Variants in ARHGEF10 observed in about 807,000 individuals in gnomAD.
ARHGEF10 encodes the protein Rho guanine nucleotide exchange factor (GEF) 10.
ARHGEF10 carries 140 observed loss-of-function variants against 147.4 expected under a neutral mutation model. The observed-to-expected ratio is 0.95, with a 90% CI of 0.83 to 1.09. ARHGEF10 has a LOEUF of 1.09. ARHGEF10 is among the 50% of genes least tolerant of loss of function. The pLI is 0.00. For missense variants in ARHGEF10, 2,222 were observed against 1,752.7 expected (o/e 1.27, Z -4.78); for synonymous variants, 902 against 695.8 (o/e 1.30, Z -4.67).
Position 1,899,092 on chromosome 8 carries a change from A to G in ARHGEF10, c.1650+567A>G, listed in dbSNP as rs547479275. The stretch of plus-strand genomic sequence containing the variant: ...CATTTCTCTAAACTAAGGATTCTCA[A>G]TTGGATACCTGTGGCTGTGAACAGT... On this transcript the variant is annotated intron_variant, in intron 15 of 28. Transcript: ENST00000349830. Among the ~76,000 whole-genome samples, 6 of 152,306 alleles carry G rather than the reference A, an allele frequency of 3.9e-5. 1 individual carries two copies. The highest frequency in any genetic ancestry group is 2.0e-4 in the Admixed American group (3 of 15,300).
rs1164793337 is a variant in ARHGEF10 at position 1,958,412 on chromosome 8, C to T, written c.*1149C>T. On this transcript the variant is annotated 3_prime_UTR_variant, in exon 29 of 29. Transcript: ENST00000349830. ...GCGCCATCCTGCTGAACGTGTATTT[C>T]AGTGTTTCACTTACTGGACGGATAA... 2.0e-5 allele frequency: 3 copies of T among 152,206 alleles called. No homozygotes were observed. The highest frequency in any genetic ancestry group is 2.1e-4 in the South Asian group (1 of 4,826). 9.4% of individuals were successfully genotyped at this position (152,206 alleles called of 1,614,324 possible). A position where few individuals can be genotyped will look rare whatever the true frequency, so the allele number is the denominator to read the frequency against.
chr8:1,900,364 C>T (rs1459102916), intron 15 of ARHGEF10, among the ~76,000 whole-genome samples: 1 of 152,086 alleles, frequency 6.6e-6, no homozygotes, highest in Non-Finnish European at 1.5e-5. Flanking sequence ...GTCGTTGTCC[C>T]TTTTTTATGC....
chr8:1,838,390 G>C (rs1803719544), intron 1 of ARHGEF10, among the ~76,000 whole-genome samples: 1 of 152,150 alleles, frequency 6.6e-6, no homozygotes, highest in South Asian at 2.1e-4. Flanking sequence ...GAGTCATCCA[G>C]GCCAGGCTGA....
At chr8:1,860,586 C>A (rs958309452) in intron 4 of ARHGEF10, among the ~76,000 whole-genome samples, 1 of 152,200 alleles carries the variant, frequency 6.6e-6, no homozygotes, top group African/African-American at 2.4e-5. Flanking sequence ...CCTAGTTCAT[C>A]TTCAGTGACA....
intron 18 of ARHGEF10, among the ~76,000 whole-genome samples, chr8:1,921,024 G>A (rs929336051): frequency 3.3e-5 from 5 of 152,174 alleles, no homozygotes; most frequent in African/African-American, 1.2e-4. Context: ...GACCTCAGGT[G>A]ATCCTCCTGC....
At chr8:1,905,850 T>A in intron 17 of ARHGEF10, 134 bp downstream of exon 17, 2 of 1,106,906 alleles carry the variant, frequency 1.8e-6, no homozygotes, top group Non-Finnish European at 2.7e-6. Context: ...GTCCTGTGAC[T>A]AAGGGAACCC....
intron 1 of ARHGEF10, among the ~76,000 whole-genome samples, chr8:1,830,072 C>T (rs1463078141): frequency 6.6e-6 from 1 of 152,226 alleles, no homozygotes; most frequent in Admixed American, 6.5e-5. Context: ...GCAGCTCCCG[C>T]TTGCTCTAAA....
intron 26 of ARHGEF10, among the ~76,000 whole-genome samples, chr8:1,936,295 G>A (rs747776919): frequency 3.9e-5 from 6 of 152,140 alleles, no homozygotes; most frequent in South Asian, 2.1e-4. Context: ...TAGGTGGATC[G>A]CTTGAGCTCA....
intron 14 of ARHGEF10, among the ~76,000 whole-genome samples, chr8:1,896,812 G>C (rs1810011578): frequency 6.6e-6 from 1 of 152,190 alleles, no homozygotes; most frequent in Non-Finnish European, 1.5e-5. Flanking sequence ...GGATCGGGGA[G>C]AGGCACCGGC....
At position 1,868,263 on chromosome 8, in the gene ARHGEF10, C is replaced by A. The variant is rs544908153; in HGVS notation, c.623-931C>A. Among the ~76,000 whole-genome samples the A allele has an allele frequency of 6.6e-5, 10 of 152,232 alleles. No individual in the cohort carries two copies. The South Asian group carries it at 2.1e-3, about 32-fold the overall frequency. The stretch of plus-strand genomic sequence containing the variant: ...GCTAGTGTGGGGACAGGAGTGGTGG[C>A]TGGATGTCAGGGGAGAGTTCGGGTT... On this transcript the variant is annotated intron_variant, in intron 6 of 28. Transcript: ENST00000349830.
At chr8:1,842,424 T>TA in intron 1 of ARHGEF10, among the ~76,000 whole-genome samples, 1 of 151,792 alleles carries the variant, frequency 6.6e-6, no homozygotes, top group East Asian at 1.9e-4. Flanking sequence ...CAGCCTGCCA[T>TA]CCCCTCGCGT....
At chr8:1,886,083 C>G (rs939871542) in intron 11 of ARHGEF10, among the ~76,000 whole-genome samples, 1 of 152,150 alleles carries the variant, frequency 6.6e-6, no homozygotes, top group East Asian at 1.9e-4. Context: ...GTGTATGTAG[C>G]TACCTGAGAC....
chr8:1,835,542 C>G (rs1803529183), intron 1 of ARHGEF10, among the ~76,000 whole-genome samples: 1 of 152,206 alleles, frequency 6.6e-6, no homozygotes. Context: ...ACAGCTCATG[C>G]TAGCACGCTC....
chr8:1,945,241 C>T (rs1043441087), intron 26 of ARHGEF10, among the ~76,000 whole-genome samples: 1 of 152,206 alleles, frequency 6.6e-6, no homozygotes, highest in Non-Finnish European at 1.5e-5. Context: ...GGCAGGCGCA[C>T]CATGCCTGTG....
intron 2 of ARHGEF10, among the ~76,000 whole-genome samples, chr8:1,848,552 C>G (rs987888890): frequency 3.9e-5 from 6 of 152,120 alleles, no homozygotes; most frequent in Non-Finnish European, 7.4e-5. Flanking sequence ...GTTGTATTCA[C>G]TATTAAATGT....
intron 26 of ARHGEF10, among the ~76,000 whole-genome samples, chr8:1,940,422 C>T (rs931936420): frequency 1.3e-5 from 2 of 152,078 alleles, no homozygotes; most frequent in African/African-American, 4.8e-5. Context: ...AAAACTGAAT[C>T]ATGAAGAAAT....
intron 28 of ARHGEF10, among the ~76,000 whole-genome samples, chr8:1,955,021 AGGTGC>A (rs1178698910): frequency 6.3e-4 from 90 of 142,320 alleles, no homozygotes; most frequent in Non-Finnish European, 9.8e-4. Context: ...CCCTGAAAGG[AGGTGC>A]ACTCTCACTG....
At chr8:1,827,974 A>G (rs1461625804) in intron 1 of ARHGEF10, among the ~76,000 whole-genome samples, 1 of 152,210 alleles carries the variant, frequency 6.6e-6, no homozygotes, top group East Asian at 1.9e-4. Context: ...GCCTGGCTGC[A>G]TCAGCATTGG....
rs1039952609 is a variant in ARHGEF10 at position 1,957,801 on chromosome 8, C to T, written c.*538C>T. On this transcript the variant is annotated 3_prime_UTR_variant, in exon 29 of 29. Coordinates refer to ENST00000349830, the MANE Select transcript of ARHGEF10 (RefSeq NM_014629.4). ...AGGTAACACCTACCAGTCCAGTTAG[C>T]ATGATTTGCTTTCAGAAGTGAGCTG... The T allele has an allele frequency of 1.9e-5, 3 of 157,730 alleles. No individual in the cohort carries two copies. Among genetic ancestry groups the T allele is most frequent in the Admixed American group, 6.1e-5 (1 of 16,310 alleles). 9.8% of individuals were successfully genotyped at this position (157,730 alleles called of 1,614,324 possible).
Sources: gnomAD v4.1 joint callset for allele counts (sites outside exome capture counted in the v4.1 genomes callset) on GRCh38, gnomAD v4.1.1 for gene constraint, MANE v1.5 for transcripts, NCBI Gene and HGNC (gene_info 2026-07-23, HGNC 2026-07-21) for gene names.